Variants in ANGPT1 observed in about 807,000 individuals in gnomAD.
ANGPT1 encodes the protein angiopoietin-1.
In ANGPT1, 17 loss-of-function variants were observed where a neutral mutation model predicts 62.2. That is an observed-to-expected ratio of 0.27 (90% CI 0.19 to 0.41). ANGPT1 has a LOEUF of 0.41. Ranked by LOEUF, ANGPT1 falls within the 10% of genes least tolerant of loss-of-function variation. The pLI is 1.00. For missense variants in ANGPT1, 478 were observed against 594.9 expected (o/e 0.80, Z 2.04); for synonymous variants, 199 against 198.9 (o/e 1.00, Z 0.00).
At chr8:107,371,573 CTTTTTTTTTTTT>C (rs5893851) in intron 1 of ANGPT1, among the ~76,000 whole-genome samples, 1,470 of 102,142 alleles carry the variant, frequency 0.014, 46 homozygotes, top group African/African-American at 0.045. Context: ...GCTGAGCATT[CTTTTTTTTTTTT>C]TTTTTTTTTT....
intron 1 of ANGPT1, among the ~76,000 whole-genome samples, chr8:107,468,480 G>C (rs749100320): frequency 1.3e-5 from 2 of 151,968 alleles, no homozygotes; most frequent in Non-Finnish European, 2.9e-5. Context: ...CTACTTCTGT[G>C]ATTGGTTACA....
intron 1 of ANGPT1, among the ~76,000 whole-genome samples, chr8:107,477,005 C>T (rs747603860): frequency 2.6e-5 from 4 of 152,110 alleles, no homozygotes; most frequent in Non-Finnish European, 5.9e-5. Flanking sequence ...CTCCATAGCA[C>T]CCCAGCTTCC....
chr8:107,337,274 G>A (rs1292308043), intron 2 of ANGPT1, among the ~76,000 whole-genome samples: 1 of 152,166 alleles, frequency 6.6e-6, no homozygotes, highest in Non-Finnish European at 1.5e-5. Context: ...GAAATGAAAT[G>A]ACCCAGAACC....
chr8:107,433,682 C>A (rs1189020560), intron 1 of ANGPT1, among the ~76,000 whole-genome samples: 1 of 152,130 alleles, frequency 6.6e-6, no homozygotes, highest in Non-Finnish European at 1.5e-5. Flanking sequence ...CTTCTAGGAC[C>A]AATCCTTCAA....
chr8:107,334,129 T>A (rs561311320), intron 3 of ANGPT1, among the ~76,000 whole-genome samples: 1 of 151,980 alleles, frequency 6.6e-6, no homozygotes, highest in Non-Finnish European at 1.5e-5. Context: ...GTTTTGCAGT[T>A]AGGGAGGAGA....
rs117862720 is a variant in ANGPT1, at chr8:107,481,205, G to A, written c.297+16057C>T. Among the ~76,000 whole-genome samples the A allele has an allele frequency of 3.0e-3, 456 of 152,108 alleles. 2 individuals are homozygous for A. The highest frequency in any genetic ancestry group is 5.3e-3 in the Non-Finnish European group (362 of 68,000). On this transcript the variant is annotated intron_variant, in intron 1 of 8. Coordinates refer to ENST00000517746, the MANE Select transcript of ANGPT1 (RefSeq NM_001146.5). ...GCATCCACCTTACAGTCCTGATTTGGCTCTTTCTGACTTTTTTGTTTCTTA... is the reference window on the plus strand; with the variant it reads ...GCATCCACCTTACAGTCCTGATTTGACTCTTTCTGACTTTTTTGTTTCTTA...
intron 1 of ANGPT1, among the ~76,000 whole-genome samples, chr8:107,354,642 A>G (rs1554585329): frequency 6.6e-6 from 1 of 152,128 alleles, no homozygotes; most frequent in Non-Finnish European, 1.5e-5. Flanking sequence ...GATACTAGAA[A>G]CAATAGCAAA....
intron 1 of ANGPT1, among the ~76,000 whole-genome samples, chr8:107,371,573 C>CTT (rs5893851): frequency 4.5e-4 from 46 of 102,134 alleles, no homozygotes; most frequent in African/African-American, 1.3e-3. Context: ...GCTGAGCATT[C>CTT]TTTTTTTTTT....
chr8:107,458,747 G>A (rs1353691461), intron 1 of ANGPT1, among the ~76,000 whole-genome samples: 1 of 152,096 alleles, frequency 6.6e-6, no homozygotes, highest in Non-Finnish European at 1.5e-5. Context: ...TTGAACATGA[G>A]CCCAGGAGGT....
At chr8:107,287,430 A>G (rs1814168465) in intron 6 of ANGPT1, among the ~76,000 whole-genome samples, 1 of 152,186 alleles carries the variant, frequency 6.6e-6, no homozygotes, top group Non-Finnish European at 1.5e-5. Context: ...TATAATTTGC[A>G]TTTAGAAACT....
intron 5 of ANGPT1, among the ~76,000 whole-genome samples, chr8:107,295,939 T>C (rs1373739113): frequency 2.0e-5 from 3 of 152,108 alleles, no homozygotes; most frequent in Non-Finnish European, 2.9e-5. Flanking sequence ...ATGATGATCA[T>C]CTCCATTTTA....
At chr8:107,428,421 G>T (rs1811091995) in intron 1 of ANGPT1, among the ~76,000 whole-genome samples, 2 of 152,122 alleles carry the variant, frequency 1.3e-5, no homozygotes, top group African/African-American at 4.8e-5. Context: ...TTTGCAAAGT[G>T]CAATATCCTA....
At chr8:107,347,237 GA>G (rs1196515370) in intron 1 of ANGPT1, 140 bp from the exon 2 acceptor site, 1 of 741,888 alleles carries the variant, frequency 1.3e-6, no homozygotes, top group Non-Finnish European at 2.1e-6. Context: ...CTGGGAGTTG[GA>G]GAAATGGGAG....
At chr8:107,384,896 T>C (rs948141743) in intron 1 of ANGPT1, among the ~76,000 whole-genome samples, 1 of 152,104 alleles carries the variant, frequency 6.6e-6, no homozygotes, top group Admixed American at 6.6e-5. Flanking sequence ...CCCTTGCTTG[T>C]TTTTGTTGGT....
At chr8:107,463,045 T>C (rs551725816) in intron 1 of ANGPT1, among the ~76,000 whole-genome samples, 41 of 152,262 alleles carry the variant, frequency 2.7e-4, no homozygotes, top group African/African-American at 9.9e-4. Context: ...TTGAGTGACT[T>C]ACTCTAATCA....
intron 1 of ANGPT1, among the ~76,000 whole-genome samples, chr8:107,491,831 A>G (rs1812965143): frequency 6.6e-6 from 1 of 152,218 alleles, no homozygotes; most frequent in South Asian, 2.1e-4. Flanking sequence ...ATTCATTTAA[A>G]TTACATTAAG....
intron 7 of ANGPT1, among the ~76,000 whole-genome samples, chr8:107,283,094 G>A (rs1814055226): frequency 6.6e-6 from 1 of 152,094 alleles, no homozygotes; most frequent in Admixed American, 6.6e-5. Context: ...AGGAGCCTAG[G>A]AAAAGACTAG....
chr8:107,406,764 T>A (rs1359018592), intron 1 of ANGPT1, among the ~76,000 whole-genome samples: 1 of 151,790 alleles, frequency 6.6e-6, no homozygotes, highest in African/African-American at 2.4e-5. Context: ...GTTTTTAAAA[T>A]AAATTATGTA....
chr8:107,470,593 C>A (rs1451646965), intron 1 of ANGPT1, among the ~76,000 whole-genome samples: 1 of 152,090 alleles, frequency 6.6e-6, no homozygotes, highest in Non-Finnish European at 1.5e-5. Flanking sequence ...CCTGTTCACT[C>A]TGATGATAAT....
Sources: allele counts gnomAD v4.1 joint callset (sites outside exome capture counted in the v4.1 genomes callset), GRCh38; gene constraint gnomAD v4.1.1; transcripts MANE v1.5; gene names NCBI Gene and HGNC (gene_info 2026-07-23, HGNC 2026-07-21).